Variants in IFRD1 observed in about 807,000 individuals in gnomAD.
IFRD1 encodes interferon-related developmental regulator 1.
In IFRD1, 35 loss-of-function variants were observed where a neutral mutation model predicts 52.9. The ratio of observed to expected loss-of-function variants is 0.66; its 90% confidence interval spans 0.51 to 0.88. IFRD1 has a LOEUF of 0.88. IFRD1 is among the 40% of genes least tolerant of loss of function. IFRD1 has a pLI of 0.00. For synonymous variants in IFRD1, 184 were observed against 188.4 expected, an observed-to-expected ratio of 0.98 and a Z score of 0.19; for missense variants, 517 against 550.8, an observed-to-expected ratio of 0.94 and a Z score of 0.61.
At chr7:112,451,044 C>A in intron 1 of IFRD1, 1 of 511,742 alleles carries the variant, frequency 2.0e-6, no homozygotes, top group Non-Finnish European at 3.5e-6. Context: ...GAGAGTGTGT[C>A]GGGACAGGGG....
At chr7:112,438,532 T>C (rs1794770662) in intron 1 of IFRD1, among the ~76,000 whole-genome samples, 1 of 152,194 alleles carries the variant, frequency 6.6e-6, no homozygotes, top group Admixed American at 6.5e-5. Context: ...TGTTGTTGGT[T>C]CACTTCCTAT....
Position 112,450,981 on chromosome 7 carries a change from C to A in IFRD1, c.94+199C>A. ...GCGCGATTTAGATCTGGCGTGCGAA[C>A]CGGACTCTTGGGCACCGGCCGTGGG... On this transcript the variant is annotated intron_variant, in intron 1 of 11. Coordinates refer to ENST00000403825, the MANE Select transcript of IFRD1 (RefSeq NM_001550.4). The A allele has an allele frequency of 3.3e-6, 2 of 611,034 alleles. 1 individual carries two copies. 37.9% of individuals were successfully genotyped at this position (611,034 alleles called of 1,614,324 possible).
At chr7:112,433,209 T>C (rs1794584143) in intron 1 of IFRD1, among the ~76,000 whole-genome samples, 1 of 152,042 alleles carries the variant, frequency 6.6e-6, no homozygotes, top group African/African-American at 2.4e-5. Flanking sequence ...AGACTGGAGT[T>C]TTATTATTAC....
chr7:112,431,972 G>A (rs1794557529), intron 1 of IFRD1, among the ~76,000 whole-genome samples: 1 of 152,200 alleles, frequency 6.6e-6, no homozygotes. Context: ...AAACAAACAA[G>A]TGATTCTTGC....
chr7:112,471,211 CTT>C (rs1444387346), intron 9 of IFRD1, among the ~76,000 whole-genome samples: 15 of 152,178 alleles, frequency 9.9e-5, no homozygotes, highest in Admixed American at 3.9e-4. Context: ...TGCATGTCCT[CTT>C]TTACACCTCT....
intron 3 of IFRD1, 140 bp from the exon 4 acceptor site, chr7:112,456,774 G>A: frequency 1.3e-6 from 1 of 754,292 alleles, no homozygotes; most frequent in South Asian, 1.7e-5. Context: ...TTATATTATT[G>A]ACAAATGGTT....
rs543432739 is a variant in IFRD1 at position 112,441,119 on chromosome 7, C to T, written c.-181-9389C>T. On this transcript the variant is annotated intron_variant, in intron 1 of 12. Coordinates refer to the IFRD1 transcript ENST00000005558. ...TGAAACCCTGTCTTTACGAAAAACA[C>T]AAAAATTAGCTGGGCGTTCGTGGTG... is the stretch of plus-strand genomic sequence containing the variant. Among the ~76,000 whole-genome samples the T allele has an allele frequency of 8.0e-4, 122 of 151,948 alleles. 1 individual carries two copies. Among genetic ancestry groups the T allele is most frequent in the African/African-American group, 2.7e-3 (112 of 41,476 alleles).
At chr7:112,423,882 G>A (rs1584458948) in intron 1 of IFRD1, among the ~76,000 whole-genome samples, 3 of 152,234 alleles carry the variant, frequency 2.0e-5, no homozygotes, top group African/African-American at 7.2e-5. Flanking sequence ...AGCCACCAGG[G>A]GACAAATGTG....
chr7:112,474,564 C>T (rs1379089357), intron 11 of IFRD1, among the ~76,000 whole-genome samples: 1 of 151,998 alleles, frequency 6.6e-6, no homozygotes, highest in Non-Finnish European at 1.5e-5. Flanking sequence ...TTACATACTT[C>T]TCTCTTTTGA....
At chr7:112,452,839 AT>A (rs1318906834) in intron 1 of IFRD1, among the ~76,000 whole-genome samples, 1 of 152,258 alleles carries the variant, frequency 6.6e-6, no homozygotes, top group Non-Finnish European at 1.5e-5. Context: ...GTGGAAAATA[AT>A]TCTTTGATTA....
chr7:112,429,274 A>G (rs1171817439), intron 1 of IFRD1, among the ~76,000 whole-genome samples: 1 of 152,210 alleles, frequency 6.6e-6, no homozygotes, highest in East Asian at 1.9e-4. Flanking sequence ...TAAAGAAACC[A>G]CTGGCCTATG....
chr7:112,428,097 A>G (rs1217080898), intron 1 of IFRD1, among the ~76,000 whole-genome samples: 1 of 152,192 alleles, frequency 6.6e-6, no homozygotes, highest in Non-Finnish European at 1.5e-5. Context: ...CTCAGCCAAG[A>G]GGTCAGTCAG....
chr7:112,432,267 A>G (rs1006063489), intron 1 of IFRD1, among the ~76,000 whole-genome samples: 44 of 152,226 alleles, frequency 2.9e-4, no homozygotes, highest in African/African-American at 8.4e-4. Context: ...GTGGTAAGAA[A>G]TTATCTTAAT....
At chr7:112,455,657 G>A (rs942925908) in intron 1 of IFRD1, 106 bp from the exon 2 acceptor site, 2 of 748,430 alleles carry the variant, frequency 2.7e-6, no homozygotes, top group Non-Finnish European at 4.8e-6. Flanking sequence ...ATGAGTCTGT[G>A]GTTTTATTAC....
At chr7:112,445,287 C>T (rs3128390) in intron 1 of IFRD1, among the ~76,000 whole-genome samples, 67,521 of 151,320 alleles carry the variant, frequency 0.45, 15,371 homozygotes, top group East Asian at 0.59. Context: ...AGGATGGTCT[C>T]GATCTCCTGA....
intron 11 of IFRD1, among the ~76,000 whole-genome samples, chr7:112,473,761 T>G (rs748187007): frequency 2.6e-5 from 4 of 152,190 alleles, no homozygotes; most frequent in Non-Finnish European, 4.4e-5. Context: ...TATTTTTTTT[T>G]GTGCTGAGAT....
Position 112,450,551 on chromosome 7 carries a change from C to T in IFRD1, c.-138C>T. 4.3e-6 allele frequency: 3 copies of T among 703,238 alleles called. No homozygotes were observed. The highest frequency in any genetic ancestry group is 1.5e-5 in the South Asian group (1 of 64,742). 43.6% of individuals were successfully genotyped at this position (703,238 alleles called of 1,614,324 possible). ...GCTGCCGCCACCGCCCACTCTTACC[C>T]CCGCCGCTTCTCGACTCTGTTGTTA... On this transcript the variant is annotated 5_prime_UTR_variant, in exon 1 of 12. Coordinates refer to ENST00000403825, the MANE Select transcript of IFRD1 (RefSeq NM_001550.4).
upstream of IFRD1, among the ~76,000 whole-genome samples, chr7:112,447,484 G>A (rs952659562): frequency 4.6e-5 from 7 of 152,214 alleles, no homozygotes; most frequent in African/African-American, 1.7e-4. Context: ...TTTTGTTTGC[G>A]AATGAGCCCA....
intron 1 of IFRD1, among the ~76,000 whole-genome samples, chr7:112,433,035 T>C (rs1366796279): frequency 6.6e-6 from 1 of 152,126 alleles, no homozygotes; most frequent in Non-Finnish European, 1.5e-5. Flanking sequence ...CTGTAAGACA[T>C]TTCAATTTCA....
Sources: allele counts gnomAD v4.1 joint callset (sites outside exome capture counted in the v4.1 genomes callset), GRCh38; gene constraint gnomAD v4.1.1; transcripts MANE v1.5; gene names NCBI Gene and HGNC (gene_info 2026-07-23, HGNC 2026-07-21).